The following SMIM21 variants were observed in gnomAD, a reference collection of about 807,000 sequenced individuals.
SMIM21 encodes the protein chromosome 18 open reading frame 62.
Under a neutral mutation model 8.6 loss-of-function variants are expected in SMIM21, and 8 were observed. The ratio of observed to expected loss-of-function variants is 0.93; its 90% CI spans 0.55 to 1.68. The LOEUF (loss-of-function observed/expected upper bound fraction) is 1.68, where lower values mean the gene tolerates loss of function less well. Ranked by LOEUF, SMIM21 falls within the 40% of genes most tolerant of loss-of-function variation. The pLI is 0.00. For synonymous variants in SMIM21, 43 were observed against 41.7 expected (o/e 1.03, Z -0.12); for missense variants, 132 against 123.0 (o/e 1.07, Z -0.35).
Position 75,410,462 on chromosome 18 carries a change from A to G in SMIM21, c.*402T>C. The G allele has an allele frequency of 4.9e-6, 1 of 205,632 alleles. No homozygotes were observed. The allele number at this position is 205,632 out of a possible 1,614,324, so 12.7% of individuals were successfully genotyped here. A position where few individuals can be genotyped will look rare whatever the true frequency, so the allele number is the denominator to read the frequency against. ...ATCTCAAACTGTGTTGCTGTATACC[A>G]CACAGAGCCTTAGGTGGTCCCGAAA... On this transcript the variant is annotated 3_prime_UTR_variant, in exon 3 of 3. Coordinates refer to ENST00000579022, the MANE Select transcript of SMIM21 (RefSeq NM_001037331.3).
chr18:75,414,867 C>T (rs956984245), intron 2 of SMIM21, among the ~76,000 whole-genome samples: 9 of 151,814 alleles, frequency 5.9e-5, no homozygotes, highest in African/African-American at 1.7e-4. Flanking sequence ...ATGAGTGACA[C>T]CAGCAAAAAA....
chr18:75,414,342 A>G (rs1454965605), intron 2 of SMIM21, among the ~76,000 whole-genome samples: 1 of 152,212 alleles, frequency 6.6e-6, no homozygotes, highest in Non-Finnish European at 1.5e-5. Flanking sequence ...CACTTACTAC[A>G]TGCCAAGTAC....
intron 1 of SMIM21, among the ~76,000 whole-genome samples, chr18:75,425,244 A>G (rs190502355): frequency 6.6e-6 from 1 of 152,230 alleles, no homozygotes; most frequent in East Asian, 1.9e-4. Flanking sequence ...TTTAATGAAC[A>G]CCCAGTCACT....
At chr18:75,420,146 T>G (rs1221686686) in intron 1 of SMIM21, among the ~76,000 whole-genome samples, 2 of 152,244 alleles carry the variant, frequency 1.3e-5, no homozygotes, top group African/African-American at 4.8e-5. Flanking sequence ...CTCGCCTTGC[T>G]GCTGGAGTAT....
At chr18:75,414,567 T>C (rs1469361019) in intron 2 of SMIM21, among the ~76,000 whole-genome samples, 7 of 152,156 alleles carry the variant, frequency 4.6e-5, no homozygotes, top group African/African-American at 1.7e-4. Context: ...AGGGGCTTTC[T>C]GGAGAACTAC....
In SMIM21 at chr18:75,427,630, G is replaced by A; in HGVS notation, c.-67C>T. ...ACAGCGACTCTGAGGACACAGAGCT[G>A]GTGCTATAAGACCTGGTAACTAAGT... On this transcript the variant is annotated 5_prime_UTR_variant, in exon 1 of 3. Coordinates refer to ENST00000579022, the MANE Select transcript of SMIM21 (RefSeq NM_001037331.3). The A allele has an allele frequency of 6.8e-7, 1 of 1,469,034 alleles. No homozygotes were observed. The highest frequency in any genetic ancestry group is 9.0e-7 in the Non-Finnish European group (1 of 1,106,592). The allele number at this position is 1,469,034 out of a possible 1,614,324, so 91.0% of individuals were successfully genotyped here. A position where few individuals can be genotyped will look rare whatever the true frequency, so the allele number is the denominator to read the frequency against.
chr18:75,413,498 A>G (rs986541115), intron 2 of SMIM21, among the ~76,000 whole-genome samples: 6 of 152,158 alleles, frequency 3.9e-5, no homozygotes, highest in Non-Finnish European at 5.9e-5. Flanking sequence ...TCTTCTTTCC[A>G]GAGCAGAGAT....
Position 75,410,692 on chromosome 18 carries a change from G to A in SMIM21, c.*172C>T. On this transcript the variant is annotated 3_prime_UTR_variant, in exon 3 of 3. Transcript: ENST00000579022. ...AAGAGTGCCCCTCAAGAACAAAGCAGACATTATCATTGCAAAAAGTTACAC... is the reference window on the plus strand; with the variant it reads ...AAGAGTGCCCCTCAAGAACAAAGCAAACATTATCATTGCAAAAAGTTACAC... The A allele has an allele frequency of 1.4e-6, 2 of 1,424,754 alleles. No homozygotes were observed. The highest frequency in any genetic ancestry group is 1.8e-6 in the Non-Finnish European group (2 of 1,092,930). 88.3% of individuals were successfully genotyped at this position (1,424,754 alleles called of 1,614,324 possible). A position where few individuals can be genotyped will look rare whatever the true frequency, so the allele number is the denominator to read the frequency against.
At chr18:75,427,303 A>C (rs1300045353) in intron 1 of SMIM21, 132 bp downstream of exon 1, 16 of 1,131,236 alleles carry the variant, frequency 1.4e-5, no homozygotes, top group Non-Finnish European at 1.2e-5. Flanking sequence ...GTCTCATCTT[A>C]AACTTCGTAG....
At chr18:75,424,470 G>A (rs1414247044) in intron 1 of SMIM21, among the ~76,000 whole-genome samples, 1 of 152,172 alleles carries the variant, frequency 6.6e-6, no homozygotes, top group African/African-American at 2.4e-5. Flanking sequence ...GCACTTGGGA[G>A]TTTCACACTA....
rs996958990 is a variant in SMIM21, at chr18:75,409,749, G to C, written c.*1115C>G. ...CACACAGATGGAGGCTGTGGTGTAAGAGTTACACCTCTGTCATTCCTCCAC... is the reference window on the plus strand; with the variant it reads ...CACACAGATGGAGGCTGTGGTGTAACAGTTACACCTCTGTCATTCCTCCAC... On this transcript the variant is annotated 3_prime_UTR_variant, in exon 3 of 3. Coordinates refer to ENST00000579022, the MANE Select transcript of SMIM21 (RefSeq NM_001037331.3). 1 of 152,252 alleles carries C rather than the reference G, an allele frequency of 6.6e-6. No individual in the cohort carries two copies. Among genetic ancestry groups the C allele is most frequent in the Non-Finnish European group, 1.5e-5 (1 of 68,066 alleles). 9.4% of individuals were successfully genotyped at this position (152,252 alleles called of 1,614,324 possible). A position where few individuals can be genotyped will look rare whatever the true frequency, so the allele number is the denominator to read the frequency against.
chr18:75,414,075 T>TCACACACACACACACACACACATA (rs2024612754), intron 2 of SMIM21, among the ~76,000 whole-genome samples: 1 of 126,036 alleles, frequency 7.9e-6, no homozygotes, highest in African/African-American at 2.7e-5. Flanking sequence ...TCTCTCTGTC[T>TCACACACACACACACACACACATA]CACACACACA....
intron 1 of SMIM21, among the ~76,000 whole-genome samples, chr18:75,426,690 A>G (rs2024768174): frequency 6.6e-6 from 1 of 150,732 alleles, no homozygotes; most frequent in African/African-American, 2.4e-5. Flanking sequence ...GGAAAAGGAA[A>G]TAAAGAAGCA....
chr18:75,424,470 G>T (rs1414247044), intron 1 of SMIM21, among the ~76,000 whole-genome samples: 1 of 152,290 alleles, frequency 6.6e-6, no homozygotes, highest in African/African-American at 2.4e-5. Flanking sequence ...GCACTTGGGA[G>T]TTTCACACTA....
intron 1 of SMIM21, among the ~76,000 whole-genome samples, chr18:75,419,692 T>C (rs1167473277): frequency 6.6e-6 from 1 of 152,198 alleles, no homozygotes; most frequent in African/African-American, 2.4e-5. Flanking sequence ...AAATTAAATA[T>C]GTGATCCCAA....
At chr18:75,418,698 G>GTT (rs3214645) in intron 2 of SMIM21, 88 bp downstream of exon 2, 357,925 of 1,164,708 alleles carry the variant, frequency 0.31, 43,993 homozygotes, top group Middle Eastern at 0.34. Flanking sequence ...GAATGTTCTA[G>GTT]TTTTTTTTTA....
In SMIM21 at chr18:75,427,646, G is replaced by T. The variant is rs2024779744; in HGVS notation, c.-83C>A. The T allele has an allele frequency of 7.2e-7, 1 of 1,387,510 alleles. No homozygotes were observed. Among genetic ancestry groups the T allele is most frequent in the Non-Finnish European group, 9.5e-7 (1 of 1,057,744 alleles). 85.9% of individuals were successfully genotyped at this position (1,387,510 alleles called of 1,614,324 possible). ...CACAGAGCTGGTGCTATAAGACCTGGTAACTAAGTTCCCAAGGAGCTTTTC... is the reference window on the plus strand; with the variant it reads ...CACAGAGCTGGTGCTATAAGACCTGTTAACTAAGTTCCCAAGGAGCTTTTC... On this transcript the variant is annotated 5_prime_UTR_variant, in exon 1 of 3. Transcript: ENST00000579022.
chr18:75,413,157 C>G (rs571262258), intron 2 of SMIM21, among the ~76,000 whole-genome samples: 1 of 152,106 alleles, frequency 6.6e-6, no homozygotes, highest in East Asian at 1.9e-4. Flanking sequence ...CCTAAGGATG[C>G]TTCCTGAAGA....
chr18:75,426,466 C>T (rs890024504), intron 1 of SMIM21, among the ~76,000 whole-genome samples: 13 of 151,478 alleles, frequency 8.6e-5, no homozygotes, highest in Non-Finnish European at 5.9e-5. Context: ...CCCGCCACCA[C>T]GACTGGCTAA....
Sources: allele counts gnomAD v4.1 joint callset (sites outside exome capture counted in the v4.1 genomes callset), GRCh38; gene constraint gnomAD v4.1.1; transcripts MANE v1.5; gene names NCBI Gene and HGNC (gene_info 2026-07-23, HGNC 2026-07-21).